Variants in CASS4 observed in about 807,000 individuals in gnomAD.
CASS4 encodes cas scaffolding protein family member 4.
CASS4 carries 22 observed loss-of-function variants against 54.2 expected under a neutral mutation model. That is an observed-to-expected ratio of 0.41 (90% confidence interval 0.29 to 0.58). The LOEUF is 0.58. CASS4 is among the 20% of genes least tolerant of loss of function. The pLI is 0.36. For missense variants in CASS4, 854 were observed against 986.7 expected, an observed-to-expected ratio of 0.87 and a Z score of 1.80; for synonymous variants, 409 against 391.5, an observed-to-expected ratio of 1.04 and a Z score of -0.53.
chr20:56,441,291 G>A (rs1980445689), intron 2 of CASS4, among the ~76,000 whole-genome samples: 1 of 151,414 alleles, frequency 6.6e-6, no homozygotes, highest in Admixed American at 6.6e-5. Flanking sequence ...ACTGTGCCCA[G>A]CCTATTTACT....
At chr20:56,446,380 C>T (rs774266641) in intron 3 of CASS4, among the ~76,000 whole-genome samples, 9 of 152,054 alleles carry the variant, frequency 5.9e-5, no homozygotes, top group East Asian at 1.9e-4. Flanking sequence ...CATAAGCCAC[C>T]GTGCCCAGCC....
At chr20:56,444,757 T>C (rs1291111974) in intron 2 of CASS4, among the ~76,000 whole-genome samples, 1 of 152,244 alleles carries the variant, frequency 6.6e-6, no homozygotes, top group Non-Finnish European at 1.5e-5. Context: ...CCAGGTTCCA[T>C]GGCTGAGACC....
intron 1 of CASS4, among the ~76,000 whole-genome samples, chr20:56,434,798 A>G (rs6099146): frequency 0.063 from 9,582 of 152,156 alleles, 407 homozygotes; most frequent in Middle Eastern, 0.15. Flanking sequence ...TGTGTGTTTC[A>G]TATTATGCCA....
At chr20:56,450,863 A>G (rs1980961786) in intron 4 of CASS4, among the ~76,000 whole-genome samples, 184 bp downstream of exon 4, 1 of 151,800 alleles carries the variant, frequency 6.6e-6, no homozygotes. Context: ...GCAAAACCCC[A>G]TCTCTACTAA....
rs1163054518 is a variant in CASS4, at chr20:56,450,635, A to C, written c.598A>C (p.Ser200Arg). Residue 200 changes from serine (S) to arginine (R), a missense_variant, in exon 4 of 6, where the codon AGC (serine) becomes CGC (arginine). Ser to Arg is a moderately radical substitution (Grantham distance 110, BLOSUM62 -1). Transcript: ENST00000679887. Reference sequence around the variant, plus strand: ...GCAGCAGTTATATGACATACCAGCCAGCCCCAAGAAGGCAGGACTCCATCC... The same window carrying C: ...GCAGCAGTTATATGACATACCAGCCCGCCCCAAGAAGGCAGGACTCCATCC... ...EKQQLYDIPASPKKAGLHPPD... is the reference protein window; with the variant it reads ...EKQQLYDIPARPKKAGLHPPD... 1 of 1,614,060 alleles carries C rather than the reference A, an allele frequency of 6.2e-7. No individual in the cohort carries two copies. The highest frequency in any genetic ancestry group is 8.5e-7 in the Non-Finnish European group (1 of 1,180,036).
At chr20:56,450,055 G>C (rs1980921069) in intron 3 of CASS4, among the ~76,000 whole-genome samples, 1 of 151,160 alleles carries the variant, frequency 6.6e-6, no homozygotes, top group South Asian at 2.1e-4. Flanking sequence ...CTTTGAGATG[G>C]AGTTTCGCTC....
chr20:56,442,294 T>C (rs552700431), intron 2 of CASS4, among the ~76,000 whole-genome samples: 1 of 151,932 alleles, frequency 6.6e-6, no homozygotes, highest in East Asian at 1.9e-4. Context: ...TGCATATCTT[T>C]AGATTAGAAC....
Position 56,459,240 on chromosome 20 carries a change from A to G in CASS4, c.*493A>G, listed in dbSNP as rs925878186. 4 of 156,802 alleles carry G rather than the reference A, an allele frequency of 2.6e-5. No homozygotes were observed. The highest frequency in any genetic ancestry group is 7.2e-5 in the African/African-American group (3 of 41,512). The allele number at this position is 156,802 out of a possible 1,614,324, so 9.7% of individuals were successfully genotyped here. On this transcript the variant is annotated 3_prime_UTR_variant, in exon 6 of 6. Transcript: ENST00000679887. The stretch of plus-strand genomic sequence containing the variant: ...TAATTTTTGTATTTTTTTTTAATGA[A>G]AGGTCTCACATATTTATTACTGAAC...
At chr20:56,447,590 A>G (rs1980778344) in intron 3 of CASS4, among the ~76,000 whole-genome samples, 1 of 151,484 alleles carries the variant, frequency 6.6e-6, no homozygotes, top group African/African-American at 2.4e-5. Flanking sequence ...CCCACCTCCT[A>G]CCCCTCACCT....
Position 56,458,778 on chromosome 20 carries a change from A to G in CASS4, c.*31A>G. On this transcript the variant is annotated 3_prime_UTR_variant, in exon 6 of 6. Coordinates refer to ENST00000679887, the MANE Select transcript of CASS4 (RefSeq NM_020356.4). ...GTCTACCTCCCTTCCTCCTCTGCTC[A>G]CCTCTCAGCTTCACACCCACAACTT... is the stretch of plus-strand genomic sequence containing the variant. The G allele has an allele frequency of 6.5e-7, 1 of 1,542,004 alleles. No individual in the cohort carries two copies. The highest frequency in any genetic ancestry group is 8.8e-7 in the Non-Finnish European group (1 of 1,138,918).
At chr20:56,447,679 C>G (rs1980785469) in intron 3 of CASS4, among the ~76,000 whole-genome samples, 1 of 152,188 alleles carries the variant, frequency 6.6e-6, no homozygotes, top group South Asian at 2.1e-4. Flanking sequence ...CCTCCCTTAG[C>G]TCTGGGGCAG....
At chr20:56,436,571 T>C (rs186625188) in intron 1 of CASS4, among the ~76,000 whole-genome samples, 48 of 152,116 alleles carry the variant, frequency 3.2e-4, no homozygotes, top group Admixed American at 2.6e-3. Flanking sequence ...GCTAATTTGC[T>C]TAAAGGTACA....
intron 5 of CASS4, among the ~76,000 whole-genome samples, chr20:56,455,818 C>A (rs1458633080): frequency 6.6e-6 from 1 of 152,106 alleles, no homozygotes; most frequent in Admixed American, 6.6e-5. Context: ...GTAATCCCAG[C>A]TACTCGGGAG....
chr20:56,431,281 T>G (rs552794132), intron 1 of CASS4, among the ~76,000 whole-genome samples: 112 of 152,334 alleles, frequency 7.4e-4, no homozygotes, highest in African/African-American at 2.5e-3. Context: ...CTGTTTTCCC[T>G]CCATTCCAGG....
At chr20:56,451,502 G>T (rs1398910656) in intron 4 of CASS4, among the ~76,000 whole-genome samples, 1 of 104,682 alleles carries the variant, frequency 9.6e-6, no homozygotes, top group African/African-American at 4.4e-5. Context: ...GAAAAGAAAG[G>T]GTTGCCAAGG....
In CASS4 at chr20:56,459,484, T is replaced by C; in HGVS notation, c.*737T>C. ...CTCCTTTTGGAGTTGTACCTGATTT[T>C]ATTACCAGTTTTCATCTGAATCCAC... On this transcript the variant is annotated 3_prime_UTR_variant, in exon 6 of 6. Coordinates refer to ENST00000679887, the MANE Select transcript of CASS4 (RefSeq NM_020356.4). 3.7e-6 allele frequency: 1 copy of C among 273,824 alleles called. No individual in the cohort carries two copies. Among genetic ancestry groups the C allele is most frequent in the Non-Finnish European group, 7.7e-6 (1 of 129,850 alleles). The allele number at this position is 273,824 out of a possible 1,614,324, so 17.0% of individuals were successfully genotyped here.
chr20:56,435,876 G>A (rs923154241), intron 1 of CASS4, among the ~76,000 whole-genome samples: 11 of 152,034 alleles, frequency 7.2e-5, no homozygotes, highest in East Asian at 3.9e-4. Context: ...TCAGTCTCCC[G>A]AGTAGCTGGG....
At position 56,452,032 on chromosome 20, in the gene CASS4, A is replaced by G. The variant is rs1291287225; in HGVS notation, c.856A>G (p.Arg286Gly). 1 of 1,614,190 alleles carries G rather than the reference A, an allele frequency of 6.2e-7. No individual in the cohort carries two copies. Among genetic ancestry groups the G allele is most frequent in the Non-Finnish European group, 8.5e-7 (1 of 1,180,036 alleles). The change falls in exon 5 of 6, where the codon AGA becomes GGA. Residue 286 changes from arginine to glycine, a missense_variant. Arg to Gly is a moderately radical substitution (Grantham distance 125, BLOSUM62 -2). Transcript: ENST00000679887. ...SSTFYNPPSG[R>G]SRSLTPQLNN... is the part of the protein sequence containing the mutation. ...CACTTTCTACAATCCTCCAAGTGGC[A>G]GATCCAGGTCCCTCACTCCACAACT... is the stretch of plus-strand genomic sequence containing the variant.
In CASS4 at chr20:56,448,468, G is replaced by A. The variant is rs79693140; in HGVS notation, c.562-2131G>A. Reference sequence around the variant, plus strand: ...TCAACTTTCCCAAGCCAGAGTCAGCGCCCAACCACTGTGACCCCAAGCTCA... The same window carrying A: ...TCAACTTTCCCAAGCCAGAGTCAGCACCCAACCACTGTGACCCCAAGCTCA... On this transcript the variant is annotated intron_variant, in intron 3 of 5. Transcript: ENST00000679887. 1.7e-4 allele frequency among the ~76,000 whole-genome samples: 26 copies of A among 152,052 alleles called. No homozygotes were observed. In the East Asian group the frequency reaches 2.1e-3, roughly 12 times the overall value.
Sources: gnomAD v4.1 joint callset for allele counts (sites outside exome capture counted in the v4.1 genomes callset) on GRCh38, gnomAD v4.1.1 for gene constraint, MANE v1.5 for transcripts, NCBI Gene and HGNC (gene_info 2026-07-23, HGNC 2026-07-21) for gene names.